The following DLEU7 variants were observed in gnomAD, a reference collection of about 807,000 sequenced individuals.
DLEU7 encodes the protein deleted in lymphocytic leukemia 7, also known as leukemia-associated protein 7.
In DLEU7, 17 loss-of-function variants were observed where a neutral mutation model predicts 16.0. The observed-to-expected ratio is 1.06, with a 90% CI of 0.73 to 1.59. DLEU7 has a LOEUF of 1.59. Ranked by LOEUF, DLEU7 falls within the 40% of genes most tolerant of loss-of-function variation. The probability of loss-of-function intolerance (pLI) is 0.00; values close to 1 mark genes in which losing one functional copy is unlikely to be tolerated. For missense variants in DLEU7, 308 were observed against 314.9 expected, an observed-to-expected ratio of 0.98 and a Z score of 0.17; for synonymous variants, 113 against 139.8, an observed-to-expected ratio of 0.81 and a Z score of 1.35.
chr13:50,831,868 G>A (rs977084013), intron 1 of DLEU7, among the ~76,000 whole-genome samples: 12 of 152,188 alleles, frequency 7.9e-5, no homozygotes, highest in Non-Finnish European at 1.5e-5. Flanking sequence ...TTTTTGATGT[G>A]CTACTGGATT....
chr13:50,776,244 G>T (rs2137761469), intron 1 of DLEU7, among the ~76,000 whole-genome samples: 1 of 152,302 alleles, frequency 6.6e-6, no homozygotes, highest in East Asian at 1.9e-4. Context: ...TTTGGATTTT[G>T]AATTTATCTG....
intron 1 of DLEU7, among the ~76,000 whole-genome samples, chr13:50,751,561 C>T (rs575771283): frequency 6.6e-6 from 1 of 152,216 alleles, no homozygotes; most frequent in South Asian, 2.1e-4. Context: ...TCCGCCTGGT[C>T]CTGGACTTTC....
intron 1 of DLEU7, among the ~76,000 whole-genome samples, chr13:50,796,814 G>T (rs576458844): frequency 6.6e-6 from 1 of 152,182 alleles, no homozygotes; most frequent in East Asian, 1.9e-4. Flanking sequence ...AAGAGCAGAG[G>T]CATCAGATAG....
At chr13:50,830,209 T>C (rs17528331) in intron 1 of DLEU7, among the ~76,000 whole-genome samples, 31,425 of 152,230 alleles carry the variant, frequency 0.21, 3,959 homozygotes, top group Non-Finnish European at 0.29. Flanking sequence ...GCAGTCCAAA[T>C]TGATGGCCAG....
intron 1 of DLEU7, among the ~76,000 whole-genome samples, chr13:50,732,798 C>G (rs1873953126): frequency 6.6e-6 from 1 of 151,980 alleles, no homozygotes. Context: ...TAACACTTCC[C>G]AAGCCTTTGT....
At chr13:50,831,845 G>A (rs138202437) in intron 1 of DLEU7, among the ~76,000 whole-genome samples, 20 of 152,292 alleles carry the variant, frequency 1.3e-4, no homozygotes, top group East Asian at 1.2e-3. Flanking sequence ...AGAATTGATC[G>A]TGGTGGGTAA....
At chr13:50,808,517 G>A (rs962073155) in intron 1 of DLEU7, 2 of 152,116 alleles carry the variant, frequency 1.3e-5, no homozygotes, top group Non-Finnish European at 1.5e-5. Flanking sequence ...TTCCATATCT[G>A]TCCTGTACAT....
chr13:50,744,476 G>A (rs1268535949), intron 1 of DLEU7, among the ~76,000 whole-genome samples: 9 of 152,148 alleles, frequency 5.9e-5, no homozygotes, highest in African/African-American at 1.7e-4. Context: ...AACTCACAAA[G>A]GTCTATTAGC....
chr13:50,716,723 A>G (rs1873448772), intron 1 of DLEU7, among the ~76,000 whole-genome samples: 1 of 152,244 alleles, frequency 6.6e-6, no homozygotes, highest in South Asian at 2.1e-4. Flanking sequence ...TATATTTCTA[A>G]GTTGTAATCT....
At chr13:50,779,992 C>T (rs1388067069) in intron 1 of DLEU7, among the ~76,000 whole-genome samples, 1 of 152,042 alleles carries the variant, frequency 6.6e-6, no homozygotes, top group Non-Finnish European at 1.5e-5. Flanking sequence ...GTGTTAACAG[C>T]TTAACAGAGA....
chr13:50,752,052 C>CTTTTTTTT lies in DLEU7; in HGVS notation c.460-38820_460-38813dup, dbSNP rs200928092. Among the ~76,000 whole-genome samples the CTTTTTTTT allele has an allele frequency of 3.0e-3, 403 of 135,652 alleles. 26 individuals carry two copies. The East Asian group carries it at 0.044, about 15-fold the overall frequency. 89.0% of individuals were successfully genotyped at this position (135,652 alleles called of 152,430 possible). A position where few individuals can be genotyped will look rare whatever the true frequency, so the allele number is the denominator to read the frequency against. On this transcript the variant is annotated intron_variant, in intron 1 of 1. Coordinates refer to the DLEU7 transcript ENST00000400393. ...TTGTGTCAGTTTGTGCTCTTTCAGT[C>CTTTTTTTT]TTTTTTTTTTTTTTTTTGAGATGGA...
At position 50,791,873 on chromosome 13, in the gene DLEU7, C is replaced by T. The variant is rs1007832559; in HGVS notation, c.459+51315G>A. On this transcript the variant is annotated intron_variant, in intron 1 of 1. Coordinates refer to the DLEU7 transcript ENST00000400393. ...CACATTTTCTTGGCTGCTCTTTGAT[C>T]ACCTTTTCCTATGACAGTGATACGG... Among the ~76,000 whole-genome samples the T allele has an allele frequency of 7.2e-5, 11 of 152,308 alleles. No homozygotes were observed. The East Asian group carries it at 1.3e-3, about 19-fold the overall frequency.
At chr13:50,761,365 G>C (rs1234218930) in intron 1 of DLEU7, among the ~76,000 whole-genome samples, 1 of 152,098 alleles carries the variant, frequency 6.6e-6, no homozygotes, top group Non-Finnish European at 1.5e-5. Flanking sequence ...GTGATGATTT[G>C]AGTGATCTGA....
At chr13:50,728,396 C>G (rs564900751) in intron 1 of DLEU7, among the ~76,000 whole-genome samples, 1 of 152,132 alleles carries the variant, frequency 6.6e-6, no homozygotes, top group African/African-American at 2.4e-5. Flanking sequence ...CAAATGAGTT[C>G]TAGAATTTAA....
chr13:50,711,772 C>CCGGAGGG, downstream of DLEU7: 1 of 72,928 alleles, frequency 1.4e-5, no homozygotes, highest in African/African-American at 3.9e-5. Flanking sequence ...GACCCAGTGG[C>CCGGAGGG]GGGGGCGGGG....
chr13:50,835,273 C>A (rs1877416695), intron 1 of DLEU7, among the ~76,000 whole-genome samples: 1 of 152,194 alleles, frequency 6.6e-6, no homozygotes, highest in African/African-American at 2.4e-5. Flanking sequence ...GCTCACAGAG[C>A]CAAGCTCAGC....
At chr13:50,741,892 C>T (rs1371550662) in intron 1 of DLEU7, among the ~76,000 whole-genome samples, 1 of 152,140 alleles carries the variant, frequency 6.6e-6, no homozygotes, top group Non-Finnish European at 1.5e-5. Context: ...GCCAAATGCA[C>T]AGTACGTGCA....
At position 50,792,257 on chromosome 13, in the gene DLEU7, C is replaced by T. The variant is rs544118479; in HGVS notation, c.459+50931G>A. Among the ~76,000 whole-genome samples, 743 of 152,278 alleles carry T rather than the reference C, an allele frequency of 4.9e-3. 8 individuals are homozygous for T. Among genetic ancestry groups the T allele is most frequent in the African/African-American group, 0.017 (708 of 41,550 alleles). On this transcript the variant is annotated intron_variant, in intron 1 of 1. Coordinates refer to the DLEU7 transcript ENST00000400393. ...GCAATGGCTCATGTGATTTAGTCTT[C>T]TCTTTAATTGAATTATCAAATAATT... is the stretch of plus-strand genomic sequence containing the variant.
intron 1 of DLEU7, among the ~76,000 whole-genome samples, chr13:50,762,660 G>A (rs1233250321): frequency 6.6e-6 from 1 of 152,136 alleles, no homozygotes; most frequent in Non-Finnish European, 1.5e-5. Flanking sequence ...TGAAGGCGGG[G>A]ATTAAAGGAG....
Sources: gnomAD v4.1 joint callset for allele counts (sites outside exome capture counted in the v4.1 genomes callset) on GRCh38, gnomAD v4.1.1 for gene constraint, MANE v1.5 for transcripts, NCBI Gene and HGNC (gene_info 2026-07-23, HGNC 2026-07-21) for gene names.